PPFIA2: variants seen among roughly 807,000 people sequenced by gnomAD.
PPFIA2 encodes the protein PPFI scaffold protein A2, also known as liprin-alpha-2.
In PPFIA2, 46 loss-of-function variants were observed where a neutral mutation model predicts 175.5. That is an observed-to-expected ratio of 0.26 (90% CI 0.21 to 0.34). The LOEUF is 0.34. PPFIA2 is among the 10% of genes least tolerant of loss of function. The pLI is 1.00. For missense variants in PPFIA2, 1,179 were observed against 1,506.1 expected (o/e 0.78, Z 3.60); for synonymous variants, 568 against 511.4 (o/e 1.11, Z -1.49).
chr12:81,588,395 C>T (rs1219236974), intron 4 of PPFIA2, among the ~76,000 whole-genome samples: 2 of 151,906 alleles, frequency 1.3e-5, no homozygotes, highest in Non-Finnish European at 2.9e-5. Context: ...TCCAGCCCCA[C>T]CCTACTCCCA....
At chr12:81,337,401 G>A (rs946660658) in intron 21 of PPFIA2, among the ~76,000 whole-genome samples, 10 of 152,080 alleles carry the variant, frequency 6.6e-5, no homozygotes, top group Admixed American at 2.0e-4. Context: ...TCTGACTTTG[G>A]TGGGGTTGAT....
At chr12:81,673,100 G>A (rs957956464) in intron 4 of PPFIA2, among the ~76,000 whole-genome samples, 1 of 151,884 alleles carries the variant, frequency 6.6e-6, no homozygotes, top group Non-Finnish European at 1.5e-5. Context: ...CTTACACCTA[G>A]TCCACAGTCT....
chr12:81,395,902 A>G (rs1411292339), intron 8 of PPFIA2, among the ~76,000 whole-genome samples: 3 of 152,080 alleles, frequency 2.0e-5, no homozygotes, highest in Non-Finnish European at 4.4e-5. Context: ...GAGAATATTT[A>G]AGCATCAGCC....
chr12:81,451,469 G>C (rs527779919), intron 5 of PPFIA2, among the ~76,000 whole-genome samples: 10 of 152,182 alleles, frequency 6.6e-5, no homozygotes, highest in South Asian at 6.2e-4. Flanking sequence ...TCTGGGACTG[G>C]GCTTGTGAGA....
chr12:81,402,718 G>A (rs1048171363), intron 8 of PPFIA2, among the ~76,000 whole-genome samples: 4 of 152,098 alleles, frequency 2.6e-5, no homozygotes, highest in African/African-American at 9.7e-5. Flanking sequence ...GCCAGGCAGG[G>A]TGGCTCACGC....
At chr12:81,376,005 T>G in intron 9 of PPFIA2, 63 bp from the exon 10 acceptor site, 1 of 1,406,992 alleles carries the variant, frequency 7.1e-7, no homozygotes, top group Non-Finnish European at 9.8e-7. Context: ...TATTGTCTTG[T>G]TAGTTAAATA....
chr12:81,373,400 T>A (rs2035646489), intron 11 of PPFIA2, among the ~76,000 whole-genome samples: 1 of 151,904 alleles, frequency 6.6e-6, no homozygotes. Flanking sequence ...AAAAATGAAA[T>A]AATATGAACA....
chr12:81,684,784 C>A (rs2074194335), intron 3 of PPFIA2, among the ~76,000 whole-genome samples: 1 of 152,052 alleles, frequency 6.6e-6, no homozygotes, highest in Non-Finnish European at 1.5e-5. Context: ...AATGAGACAT[C>A]CTCCTGAAAG....
intron 4 of PPFIA2, among the ~76,000 whole-genome samples, chr12:81,469,808 G>A (rs978320442): frequency 9.8e-5 from 15 of 152,318 alleles, no homozygotes; most frequent in Middle Eastern, 3.4e-3. Flanking sequence ...AGATGGGAAC[G>A]TTGGGAAATC....
At chr12:81,271,650 A>T (rs1414016294) in intron 28 of PPFIA2, among the ~76,000 whole-genome samples, 1 of 152,150 alleles carries the variant, frequency 6.6e-6, no homozygotes, top group Non-Finnish European at 1.5e-5. Flanking sequence ...TTCTTATTAG[A>T]GTCTACTATA....
intron 3 of PPFIA2, among the ~76,000 whole-genome samples, chr12:81,744,981 C>A (rs181917976): frequency 1.3e-5 from 2 of 151,856 alleles, no homozygotes; most frequent in South Asian, 4.2e-4. Flanking sequence ...TTGGAATGTT[C>A]GGAATATTAA....
intron 22 of PPFIA2, among the ~76,000 whole-genome samples, chr12:81,313,108 G>C (rs926272028): frequency 1.3e-5 from 2 of 152,084 alleles, no homozygotes. Context: ...TACACATATA[G>C]CTTTTGAAGA....
rs77570664 is a variant in PPFIA2 at position 81,453,511 on chromosome 12, A to G, written c.405+4254T>C. 1.8e-3 allele frequency among the ~76,000 whole-genome samples: 273 copies of G among 152,256 alleles called. 3 individuals are homozygous for G. In the South Asian group the frequency reaches 0.019, roughly 11 times the overall value. On this transcript the variant is annotated intron_variant, in intron 5 of 32. Coordinates refer to ENST00000549396, the MANE Select transcript of PPFIA2 (RefSeq NM_003625.5). ...TATAAATATAACCTTCTGTAAATATATACTTGCCAAAGTATGGTCAGAGGA... is the reference window on the plus strand; with the variant it reads ...TATAAATATAACCTTCTGTAAATATGTACTTGCCAAAGTATGGTCAGAGGA...
At chr12:81,337,770 C>T (rs975468630) in intron 21 of PPFIA2, among the ~76,000 whole-genome samples, 1 of 152,104 alleles carries the variant, frequency 6.6e-6, no homozygotes. Flanking sequence ...ACCACTCACA[C>T]TATAGTGACT....
intron 7 of PPFIA2, among the ~76,000 whole-genome samples, chr12:81,438,960 C>T (rs1353605756): frequency 3.3e-5 from 5 of 152,028 alleles, no homozygotes; most frequent in African/African-American, 4.8e-5. Flanking sequence ...CAACCCTCTT[C>T]ATTATTCCCT....
At chr12:81,361,827 G>A (rs1204028191) in intron 15 of PPFIA2, among the ~76,000 whole-genome samples, 1 of 151,532 alleles carries the variant, frequency 6.6e-6, no homozygotes, top group East Asian at 1.9e-4. Flanking sequence ...AAAGCCTATG[G>A]TAGTGGAAAG....
At chr12:81,285,810 T>C (rs576553858) in intron 24 of PPFIA2, among the ~76,000 whole-genome samples, 1 of 152,270 alleles carries the variant, frequency 6.6e-6, no homozygotes, top group Non-Finnish European at 1.5e-5. Flanking sequence ...TACCACACCA[T>C]GATTTTTAAA....
intron 22 of PPFIA2, among the ~76,000 whole-genome samples, chr12:81,314,627 T>C (rs2051853131): frequency 6.6e-6 from 1 of 151,912 alleles, no homozygotes; most frequent in African/African-American, 2.4e-5. Context: ...TTCAGTTTCC[T>C]CACCTTGATC....
intron 16 of PPFIA2, among the ~76,000 whole-genome samples, chr12:81,356,698 C>A (rs1271993984): frequency 6.6e-6 from 1 of 151,766 alleles, no homozygotes; most frequent in Non-Finnish European, 1.5e-5. Context: ...GTGAAAATTG[C>A]CAAAATATGA....
Sources: gnomAD v4.1 joint callset for allele counts (sites outside exome capture counted in the v4.1 genomes callset) on GRCh38, gnomAD v4.1.1 for gene constraint, MANE v1.5 for transcripts, NCBI Gene and HGNC (gene_info 2026-07-23, HGNC 2026-07-21) for gene names.